The following CHD5 variants were observed in gnomAD, a reference collection of about 807,000 sequenced individuals.
The protein encoded by CHD5 is chromodomain helicase DNA binding protein 5.
A neutral mutation model predicts 230.3 loss-of-function variants in CHD5; 69 were observed. That is an observed-to-expected ratio of 0.30 (90% CI 0.25 to 0.37). The LOEUF is 0.37. Among genes scored for constraint, CHD5 ranks in the 10% least tolerant of loss-of-function variants. The pLI, the probability that CHD5 is intolerant of heterozygous loss-of-function variation, is 1.00. For synonymous variants in CHD5, 1,064 were observed against 1,065.9 expected, an observed-to-expected ratio of 1.00 and a Z score of 0.03; for missense variants, 1,827 against 2,622.8, an observed-to-expected ratio of 0.70 and a Z score of 6.63.
At chr1:6,150,431 AGGAT>A (rs74209532) in intron 7 of CHD5, among the ~76,000 whole-genome samples, 1,491 of 131,990 alleles carry the variant, frequency 0.011, 28 homozygotes, top group African/African-American at 0.03. Context: ...GATGGATGAT[AGGAT>A]GGATGGATGG....
chr1:6,108,679 GATGGAGGGGTGGAAGGATGGAGGA>G (rs1390662390), intron 38 of CHD5, among the ~76,000 whole-genome samples: 1 of 150,014 alleles, frequency 6.7e-6, no homozygotes, highest in African/African-American at 2.5e-5. Context: ...AGGATGGAAG[GATGGAGGGGTGGAAGGATGGAGGA>G]ATGGAGGGAT....
rs958521182 is a variant in CHD5, at chr1:6,121,724, C to T, written c.4700-151G>A. On this transcript the variant is annotated intron_variant, in intron 31 of 41. Coordinates refer to ENST00000262450, the MANE Select transcript of CHD5 (RefSeq NM_015557.3). This position sits in a 1 kb window ranked among gnomAD's most constrained non-coding sequence, Gnocchi z 4.5. ...CTCCAGGAGAGACAAGCAGGATCCCCGGCTAAGTCAGAGAGGCCAGGCCAG... is the reference window on the plus strand; with the variant it reads ...CTCCAGGAGAGACAAGCAGGATCCCTGGCTAAGTCAGAGAGGCCAGGCCAG... 8.2e-6 allele frequency: 5 copies of T among 612,020 alleles called. No individual in the cohort carries two copies. Among genetic ancestry groups the T allele is most frequent in the African/African-American group, 5.6e-5 (3 of 53,780 alleles). The allele number at this position is 612,020 out of a possible 1,614,324, so 37.9% of individuals were successfully genotyped here. A position where few individuals can be genotyped will look rare whatever the true frequency, so the allele number is the denominator to read the frequency against.
At chr1:6,118,916 T>C (rs2100837680) in intron 33 of CHD5, among the ~76,000 whole-genome samples, 1 of 152,132 alleles carries the variant, frequency 6.6e-6, no homozygotes, top group South Asian at 2.1e-4. Flanking sequence ...CAGGCTGGTC[T>C]CAAACTCCTG....
Position 6,155,756 on chromosome 1 carries a change from C to T in CHD5, c.388-39G>A. 1 of 1,499,550 alleles carries T rather than the reference C, an allele frequency of 6.7e-7. No individual in the cohort carries two copies. Among genetic ancestry groups the T allele is most frequent in the African/African-American group, 1.4e-5 (1 of 72,252 alleles). 92.9% of individuals were successfully genotyped at this position (1,499,550 alleles called of 1,614,324 possible). A position where few individuals can be genotyped will look rare whatever the true frequency, so the allele number is the denominator to read the frequency against. On this transcript the variant is annotated intron_variant, in intron 3 of 41. Coordinates refer to ENST00000262450, the MANE Select transcript of CHD5 (RefSeq NM_015557.3). The surrounding 1 kb of genome is among the most constrained non-coding windows in gnomAD (Gnocchi z 4.0). ...GGCCAGAGGTAGAGTTGTTGAGGGG[C>T]CTTCTGACCTGCACCCCCATCCCCA...
intron 33 of CHD5, among the ~76,000 whole-genome samples, chr1:6,114,731 A>T (rs925604575): frequency 6.6e-6 from 1 of 152,138 alleles, no homozygotes; most frequent in Admixed American, 6.5e-5. Context: ...ATCCACAGGG[A>T]AAGAATAAGA....
chr1:6,169,840 A>G (rs919215588), intron 1 of CHD5, among the ~76,000 whole-genome samples: 2 of 152,044 alleles, frequency 1.3e-5, no homozygotes, highest in Non-Finnish European at 2.9e-5. Flanking sequence ...AGGAGCACTC[A>G]GGGGAAGCTG....
intron 36 of CHD5, among the ~76,000 whole-genome samples, chr1:6,111,164 A>G (rs1020749084): frequency 1.4e-5 from 2 of 145,928 alleles, no homozygotes; most frequent in African/African-American, 5.1e-5. Context: ...CAGGAGGCAG[A>G]GGTTGCAGTG....
intron 25 of CHD5, among the ~76,000 whole-genome samples, chr1:6,127,442 C>A (rs2100844887): frequency 6.6e-6 from 1 of 151,938 alleles, no homozygotes; most frequent in East Asian, 1.9e-4. Flanking sequence ...GCTGATACTG[C>A]GCCACTGCAC....
Position 6,155,634 on chromosome 1 carries a change from C to T in CHD5, c.471G>A (p.Thr157=), listed in dbSNP as rs746487339. ...GGCTGAAGGCCTTGTAGTTGGTCAG[C>T]GTGTGGTAATCCTCCTCCGAGAACA... ...DYLFSEEDYH[T]LTNYKAFSQF... is the part of the protein sequence containing the mutation. Residue 157 remains threonine, a synonymous_variant, in exon 4 of 42, where the codon ACG becomes ACA. Coordinates refer to ENST00000262450, the MANE Select transcript of CHD5 (RefSeq NM_015557.3). This position sits in a 1 kb window ranked among gnomAD's most constrained non-coding sequence, Gnocchi z 4.0. 2.2e-5 allele frequency: 36 copies of T among 1,614,016 alleles called. No homozygotes were observed. The highest frequency in any genetic ancestry group is 2.8e-5 in the Non-Finnish European group (33 of 1,180,004).
At position 6,128,037 on chromosome 1, in the gene CHD5, G is replaced by T. The variant is rs375674371; in HGVS notation, c.3903+9C>A. The T allele has an allele frequency of 5.0e-6, 8 of 1,592,832 alleles. No individual in the cohort carries two copies. The highest frequency in any genetic ancestry group is 6.8e-6 in the Non-Finnish European group (8 of 1,169,960). On this transcript the variant is annotated intron_variant, in intron 25 of 41. Coordinates refer to ENST00000262450, the MANE Select transcript of CHD5 (RefSeq NM_015557.3). The surrounding 1 kb of genome is among the most constrained non-coding windows in gnomAD (Gnocchi z 7.8). ...GGGCTGCGGATGGAGGGCGGGCCGG[G>T]GACCTTACCACGCCGTCCTCCTCGC...
chr1:6,122,899 G>A (rs577031625), intron 31 of CHD5, among the ~76,000 whole-genome samples: 38 of 152,058 alleles, frequency 2.5e-4, no homozygotes, highest in Admixed American at 1.4e-3. Flanking sequence ...GCGAAACCCC[G>A]TCTCTACTAA....
chr1:6,145,916 C>T (rs1666902878), intron 11 of CHD5, among the ~76,000 whole-genome samples: 1 of 152,212 alleles, frequency 6.6e-6, no homozygotes, highest in African/African-American at 2.4e-5. Context: ...CCTCAGAACC[C>T]TCTTGCTGGT....
At position 6,113,882 on chromosome 1, in the gene CHD5, C is replaced by T. The variant is rs565679395; in HGVS notation, c.4913-884G>A. Among the ~76,000 whole-genome samples the T allele has an allele frequency of 3.3e-5, 5 of 152,292 alleles. No homozygotes were observed. The South Asian group carries it at 8.3e-4, about 25-fold the overall frequency. ...GAGGGACACCGCCCATGAAACCTCC[C>T]GGCCTGAGCCTCCAGAAACAAAAGG... On this transcript the variant is annotated intron_variant, in intron 33 of 41. Transcript: ENST00000262450.
At chr1:6,115,038 C>A (rs1479408087) in intron 33 of CHD5, among the ~76,000 whole-genome samples, 1 of 150,844 alleles carries the variant, frequency 6.6e-6, no homozygotes, top group Non-Finnish European at 1.5e-5. Context: ...GGGGGGCAGG[C>A]GCGGTGGCTC....
chr1:6,176,262 T>C (rs1667425030), intron 1 of CHD5, among the ~76,000 whole-genome samples: 1 of 152,204 alleles, frequency 6.6e-6, no homozygotes, highest in Non-Finnish European at 1.5e-5. Context: ...GAATCATGAC[T>C]GTCACTCTCT....
chr1:6,127,012 G>C (rs1273891937), intron 25 of CHD5: 1 of 517,756 alleles, frequency 1.9e-6, no homozygotes, highest in Non-Finnish European at 3.5e-6. Context: ...CTGAGGTACT[G>C]AGTTGAATAA....
chr1:6,128,245 G>A lies in CHD5; in HGVS notation c.3731-27C>T, dbSNP rs76834507. The A allele has an allele frequency of 5.8e-4, 942 of 1,610,274 alleles. 3 individuals carry two copies. Among genetic ancestry groups the A allele is most frequent in the African/African-American group, 5.3e-3 (394 of 74,980 alleles). On this transcript the variant is annotated intron_variant, in intron 24 of 41. Coordinates refer to ENST00000262450, the MANE Select transcript of CHD5 (RefSeq NM_015557.3). The surrounding 1 kb of genome is among the most constrained non-coding windows in gnomAD (Gnocchi z 7.8). ...TGGGGAGCAGGCAAATGCAGTGTGA[G>A]GACAAAGACTGCCCTGGTCCAGCCC...
chr1:6,120,263 A>G (rs1208091624), intron 33 of CHD5, among the ~76,000 whole-genome samples: 2 of 152,202 alleles, frequency 1.3e-5, no homozygotes, highest in Non-Finnish European at 2.9e-5. Context: ...CAGGCCAGAG[A>G]GCAGGTTTCA....
Position 6,125,391 on chromosome 1 carries a change from G to T in CHD5, c.4260+133C>A. 8.0e-7 allele frequency: 1 copy of T among 1,253,608 alleles called. No homozygotes were observed. The highest frequency in any genetic ancestry group is 1.4e-5 in the South Asian group (1 of 70,074). 77.7% of individuals were successfully genotyped at this position (1,253,608 alleles called of 1,614,324 possible). A position where few individuals can be genotyped will look rare whatever the true frequency, so the allele number is the denominator to read the frequency against. On this transcript the variant is annotated intron_variant, in intron 28 of 41. Coordinates refer to ENST00000262450, the MANE Select transcript of CHD5 (RefSeq NM_015557.3). This position sits in a 1 kb window ranked among gnomAD's most constrained non-coding sequence, Gnocchi z 6.7. ...CCTGGGGCAGGACCCTGACGGCGAA[G>T]ACCAGACCAAGTTCTGTCCAAGCTC...
Sources: gnomAD v4.1 joint callset for allele counts (sites outside exome capture counted in the v4.1 genomes callset) on GRCh38, gnomAD v4.1.1 for gene constraint, Gnocchi (gnomAD v3.1) non-coding constraint, MANE v1.5 for transcripts, NCBI Gene and HGNC (gene_info 2026-07-23, HGNC 2026-07-21) for gene names.